The following KLF13 variants were observed in gnomAD, a reference collection of about 807,000 sequenced individuals.
KLF13 encodes Krueppel-like factor 13.
KLF13 carries 8 observed loss-of-function variants against 16.7 expected under a neutral mutation model. The observed-to-expected ratio is 0.48, with a 90% CI of 0.28 to 0.87. The LOEUF (loss-of-function observed/expected upper bound fraction) is 0.87, where lower values mean the gene tolerates loss of function less well. KLF13 is among the 40% of genes least tolerant of loss of function. The pLI is 0.10. For synonymous variants in KLF13, 245 were observed against 208.4 expected, an observed-to-expected ratio of 1.18 and a Z score of -1.51; for missense variants, 447 against 452.2, an observed-to-expected ratio of 0.99 and a Z score of 0.10.
chr15:31,396,710 C>T (rs906415791), intron 2 of KLF13, among the ~76,000 whole-genome samples: 2 of 152,162 alleles, frequency 1.3e-5, no homozygotes, highest in Non-Finnish European at 2.9e-5. Context: ...ATGTTATCCC[C>T]AGAAGCAACT....
chr15:31,383,623 G>A (rs906347233), intron 1 of KLF13, among the ~76,000 whole-genome samples: 3 of 152,216 alleles, frequency 2.0e-5, no homozygotes, highest in Non-Finnish European at 4.4e-5. Context: ...AAGATGGGCC[G>A]GGCGCGGTGG....
chr15:31,427,314 G>T (rs955476147), intron 1 of KLF13, among the ~76,000 whole-genome samples: 4 of 149,526 alleles, frequency 2.7e-5, no homozygotes, highest in African/African-American at 1.0e-4. Context: ...CCCCTTAGGA[G>T]GACCACTGTA....
intron 1 of KLF13, among the ~76,000 whole-genome samples, chr15:31,424,408 G>T (rs1231445600): frequency 2.0e-5 from 3 of 152,038 alleles, no homozygotes; most frequent in Non-Finnish European, 4.4e-5. Context: ...TACAAGGATG[G>T]TTTAACATAT....
At chr15:31,392,052 G>A (rs1426206750), upstream of KLF13, among the ~76,000 whole-genome samples, 1 of 151,814 alleles carries the variant, frequency 6.6e-6, no homozygotes, top group Non-Finnish European at 1.5e-5. Flanking sequence ...GGCCAGACCC[G>A]CCAGCTGCCC....
At chr15:31,389,108 G>GCTTCTCCTCTTT (rs2039830067), upstream of KLF13, among the ~76,000 whole-genome samples, 1 of 152,068 alleles carries the variant, frequency 6.6e-6, no homozygotes, top group Non-Finnish European at 1.5e-5. Context: ...AGCAAGATCA[G>GCTTCTCCTCTTT]CTTCTCCTCT....
intron 1 of KLF13, among the ~76,000 whole-genome samples, chr15:31,350,414 G>A (rs139030199): frequency 4.5e-4 from 69 of 152,346 alleles, no homozygotes; most frequent in African/African-American, 1.6e-3. Context: ...GGACACCTGT[G>A]AACTTCATCT....
chr15:31,335,096 T>C (rs2038905712), intron 1 of KLF13, among the ~76,000 whole-genome samples: 1 of 152,100 alleles, frequency 6.6e-6, no homozygotes, highest in South Asian at 2.1e-4. Flanking sequence ...TGTGTGTGAG[T>C]GGACGTGGCA....
downstream of KLF13, among the ~76,000 whole-genome samples, chr15:31,407,915 A>C (rs1001500990): frequency 4.6e-5 from 7 of 152,348 alleles, no homozygotes; most frequent in Middle Eastern, 3.4e-3. Flanking sequence ...TATATACCTC[A>C]TACTAAAATC....
chr15:31,372,009 G>T lies in KLF13; in HGVS notation c.578-1G>T. 1 of 1,600,746 alleles carries T rather than the reference G, an allele frequency of 6.2e-7. No individual in the cohort carries two copies. Among genetic ancestry groups the T allele is most frequent in the East Asian group, 2.3e-5 (1 of 44,406 alleles). On this transcript the variant is annotated splice_acceptor_variant, in intron 1 of 1. Coordinates refer to ENST00000307145, the MANE Select transcript of KLF13 (RefSeq NM_015995.4). LOFTEE classifies it high-confidence loss of function. ...CTGATGCTCTGCCCCTGTGCCCACA[G>T]GTGAGAGGCCCTTCGCCTGCAGCTG...
chr15:31,406,050 A>C (rs1323622849), downstream of KLF13, among the ~76,000 whole-genome samples: 1 of 152,242 alleles, frequency 6.6e-6, no homozygotes, highest in Non-Finnish European at 1.5e-5. Context: ...AAATGTGATG[A>C]TAAAAATTAA....
In KLF13 at chr15:31,372,599, T is replaced by C. The variant is rs1460629008; in HGVS notation, c.*300T>C. ...AGTGAGGACACCCCTTCCTGCCGCC[T>C]TACTCTGTACATAGATTTGCACTCT... On this transcript the variant is annotated 3_prime_UTR_variant, in exon 2 of 2. Coordinates refer to ENST00000307145, the MANE Select transcript of KLF13 (RefSeq NM_015995.4). The C allele has an allele frequency of 7.1e-6, 3 of 419,642 alleles. No homozygotes were observed. Among genetic ancestry groups the C allele is most frequent in the Non-Finnish European group, 1.3e-5 (3 of 237,442 alleles). 26.0% of individuals were successfully genotyped at this position (419,642 alleles called of 1,614,324 possible).
chr15:31,341,388 C>T (rs930535365), intron 1 of KLF13, among the ~76,000 whole-genome samples: 1 of 152,122 alleles, frequency 6.6e-6, no homozygotes, highest in African/African-American at 2.4e-5. Flanking sequence ...TGGTGATTAA[C>T]TTGCAAGAGC....
downstream of KLF13, among the ~76,000 whole-genome samples, chr15:31,405,236 G>A (rs769877290): frequency 3.3e-5 from 5 of 152,126 alleles, no homozygotes; most frequent in Middle Eastern, 3.2e-3. Flanking sequence ...ATTGCATGAA[G>A]CCGGGAGGCA....
intron 1 of KLF13, among the ~76,000 whole-genome samples, chr15:31,334,401 A>G (rs1473640942): frequency 6.6e-6 from 1 of 151,354 alleles, no homozygotes; most frequent in Non-Finnish European, 1.5e-5. Flanking sequence ...CTAAGTCCAC[A>G]CACCTGAACC....
At chr15:31,358,675 C>T (rs1488902355) in intron 1 of KLF13, among the ~76,000 whole-genome samples, 2 of 152,190 alleles carry the variant, frequency 1.3e-5, no homozygotes, top group Non-Finnish European at 2.9e-5. Context: ...AAATGAAGAG[C>T]ATTTTTATCA....
At chr15:31,359,831 T>A (rs2039355033) in intron 1 of KLF13, among the ~76,000 whole-genome samples, 1 of 152,178 alleles carries the variant, frequency 6.6e-6, no homozygotes, top group African/African-American at 2.4e-5. Flanking sequence ...TCCGTGTGCT[T>A]ACTCTCCCTC....
Position 31,373,883 on chromosome 15 carries a change from T to G in KLF13, c.*1584T>G, listed in dbSNP as rs2039599393. 5 of 128,250 alleles carry G rather than the reference T, an allele frequency of 3.9e-5. No individual in the cohort carries two copies. The highest frequency in any genetic ancestry group is 6.0e-5 in the African/African-American group (2 of 33,376). 7.9% of individuals were successfully genotyped at this position (128,250 alleles called of 1,614,324 possible). On this transcript the variant is annotated 3_prime_UTR_variant, in exon 2 of 2. Coordinates refer to ENST00000307145, the MANE Select transcript of KLF13 (RefSeq NM_015995.4). ...GTGTGCGCGCGTGAGCACACACGCG[T>G]GTGTTGGGGGGGGTGGGGGGATTGG...
chr15:31,418,129 G>T (rs953249682), intron 1 of KLF13, among the ~76,000 whole-genome samples: 20 of 151,696 alleles, frequency 1.3e-4, no homozygotes, highest in African/African-American at 4.9e-4. Flanking sequence ...GTTTAAAGAA[G>T]AACTGTAATT....
intron 2 of KLF13, among the ~76,000 whole-genome samples, chr15:31,403,019 C>T (rs1197857487): frequency 6.6e-6 from 1 of 152,176 alleles, no homozygotes; most frequent in East Asian, 1.9e-4. Flanking sequence ...AAAATGGATG[C>T]CAGGAAGGGC....
Sources: gnomAD v4.1 joint callset for allele counts (sites outside exome capture counted in the v4.1 genomes callset) on GRCh38, gnomAD v4.1.1 for gene constraint, MANE v1.5 for transcripts, NCBI Gene and HGNC (gene_info 2026-07-23, HGNC 2026-07-21) for gene names.